FLYWCH1: variants seen among roughly 807,000 people sequenced by gnomAD.
The protein encoded by FLYWCH1 is FLYWCH-type zinc finger 1, also known as FLYWCH-type zinc finger-containing protein 1.
A neutral mutation model predicts 66.4 loss-of-function variants in FLYWCH1; 75 were observed. That is an observed-to-expected ratio of 1.13 (90% CI 0.94 to 1.37). The LOEUF is 1.37. Among genes scored for constraint, FLYWCH1 ranks in the 40% most tolerant of loss-of-function variants. The pLI, the probability that FLYWCH1 is intolerant of heterozygous loss-of-function variation, is 0.00. For missense variants in FLYWCH1, 1,334 were observed against 1,001.8 expected, an observed-to-expected ratio of 1.33 and a Z score of -4.48; for synonymous variants, 595 against 429.9, an observed-to-expected ratio of 1.38 and a Z score of -4.75.
chr16:2,943,150 C>G (rs11076993), intron 9 of FLYWCH1, among the ~76,000 whole-genome samples: 42,524 of 151,832 alleles, frequency 0.28, 6,080 homozygotes, highest in Admixed American at 0.3. Context: ...TGACCATATT[C>G]AGTCACGCAG....
intron 2 of FLYWCH1, chr16:2,922,495 C>T (rs1293775262): frequency 4.2e-6 from 1 of 237,774 alleles, no homozygotes; most frequent in East Asian, 1.4e-4. Flanking sequence ...GCCCCTGGCA[C>T]CCCCATTCTA....
chr16:2,943,485 C>G (rs1224493078), intron 9 of FLYWCH1: 1 of 151,398 alleles, frequency 6.6e-6, no homozygotes, highest in East Asian at 1.9e-4. Flanking sequence ...ATGGGGATGC[C>G]TGCATACCAG....
intron 2 of FLYWCH1, among the ~76,000 whole-genome samples, chr16:2,919,970 C>T (rs1286283606): frequency 6.6e-6 from 1 of 152,082 alleles, no homozygotes; most frequent in Non-Finnish European, 1.5e-5. Context: ...GGGCTTCCTG[C>T]TCTCGAGGGG....
In FLYWCH1 at chr16:2,929,732, C is replaced by A. The variant is rs377357449; in HGVS notation, c.47C>A (p.Ala16Asp). 3.7e-6 allele frequency: 6 copies of A among 1,613,420 alleles called. No homozygotes were observed. In the African/African-American group the frequency reaches 8.0e-5, roughly 22 times the overall value. ...GAGCAGGAGGGCGAGAGTGTGAAGG[C>A]CGGCCAGGAGCCATCCCCCAAGCCA... The part of the protein sequence containing the change: ...PSEQEGESVK[A>D]GQEPSPKPGT... Residue 16 changes from alanine (A) to aspartate (D), a missense_variant, in exon 3 of 10, where the codon GCC becomes GAC. Physicochemically the swap from Ala to Asp is moderately radical, Grantham distance 126 (BLOSUM62 -2). Coordinates refer to ENST00000253928, the MANE Select transcript of FLYWCH1 (RefSeq NM_001308068.2).
At chr16:2,924,348 A>T (rs900127554) in intron 2 of FLYWCH1, among the ~76,000 whole-genome samples, 2 of 151,308 alleles carry the variant, frequency 1.3e-5, no homozygotes, top group African/African-American at 4.8e-5. Context: ...AAAAAAAAGT[A>T]AAAAGCCAGA....
chr16:2,927,456 A>T (rs1462544068), intron 2 of FLYWCH1, among the ~76,000 whole-genome samples: 1 of 152,236 alleles, frequency 6.6e-6, no homozygotes, highest in Non-Finnish European at 1.5e-5. Flanking sequence ...CTCACCTTCT[A>T]TGAGAACATT....
At chr16:2,945,226 G>A (rs947554538) in intron 9 of FLYWCH1, among the ~76,000 whole-genome samples, 5 of 151,594 alleles carry the variant, frequency 3.3e-5, no homozygotes, top group East Asian at 1.9e-4. Context: ...AGTGGCTCAC[G>A]CCTGTAATCC....
intron 6 of FLYWCH1, chr16:2,936,159 C>T (rs572561651): frequency 2.1e-4 from 64 of 309,668 alleles, no homozygotes; most frequent in African/African-American, 1.4e-3. Context: ...GATCCGCCTG[C>T]CTCGGCCTCC....
intron 2 of FLYWCH1, chr16:2,922,934 C>G (rs2070426384): frequency 1.9e-6 from 1 of 524,422 alleles, no homozygotes; most frequent in Admixed American, 1.9e-5. Context: ...CCTGGGGGCG[C>G]TCTTCCGAGG....
chr16:2,913,224 G>C (rs2070051385), intron 1 of FLYWCH1: 1 of 152,298 alleles, frequency 6.6e-6, no homozygotes, highest in Non-Finnish European at 1.5e-5. Flanking sequence ...TCGTTCAGAG[G>C]CTTTGGCTTG....
intron 9 of FLYWCH1, among the ~76,000 whole-genome samples, chr16:2,945,720 G>A (rs144814134): frequency 2.5e-3 from 372 of 151,312 alleles, no homozygotes; most frequent in African/African-American, 8.6e-3. Flanking sequence ...TATAGAGGCC[G>A]GGTGCGGTGG....
chr16:2,918,051 C>T (rs980925083), intron 2 of FLYWCH1, among the ~76,000 whole-genome samples: 1 of 150,840 alleles, frequency 6.6e-6, no homozygotes, highest in Non-Finnish European at 1.5e-5. Flanking sequence ...GTTGGCCGGG[C>T]TTGTCTTGAA....
chr16:2,926,473 G>T (rs2070570396), intron 2 of FLYWCH1, among the ~76,000 whole-genome samples: 1 of 152,198 alleles, frequency 6.6e-6, no homozygotes, highest in Non-Finnish European at 1.5e-5. Flanking sequence ...AGTTCACATT[G>T]TAAGTATGTA....
chr16:2,945,380 G>A (rs1036169551), intron 9 of FLYWCH1, among the ~76,000 whole-genome samples: 4 of 151,790 alleles, frequency 2.6e-5, no homozygotes, highest in African/African-American at 7.3e-5. Context: ...CAGCTACTCG[G>A]GAGGCTGGGG....
Position 2,933,478 on chromosome 16 carries a change from C to T in FLYWCH1, c.1145C>T (p.Thr382Ile), listed in dbSNP as rs1407722629. Residue 382 changes from threonine to isoleucine, a missense_variant, in exon 5 of 10, where the codon ACT (threonine) becomes ATT (isoleucine). Thr to Ile is a moderately conservative substitution (Grantham distance 89, BLOSUM62 -1). Transcript: ENST00000253928. ...TACCGCAGGGGTCCGGGTCCCCTGA[C>T]TCTCACCAGGCCTCGGCCCAGAAAG... ...LLYRRGPGPL[T>I]LTRPRPRKRA... The T allele has an allele frequency of 1.2e-6, 2 of 1,606,006 alleles. No individual in the cohort carries two copies. Among genetic ancestry groups the T allele is most frequent in the South Asian group, 2.2e-5 (2 of 89,838 alleles).
Position 2,930,729 on chromosome 16 carries a change from C to A in FLYWCH1, c.645C>A (p.Pro215=). 2 of 1,551,660 alleles carry A rather than the reference C, an allele frequency of 1.3e-6. No homozygotes were observed. Among genetic ancestry groups the A allele is most frequent in the Non-Finnish European group, 1.7e-6 (2 of 1,152,660 alleles). The change falls in exon 4 of 10, where the codon CCC becomes CCA. Residue 215 remains proline (P), a synonymous_variant. Coordinates refer to ENST00000253928, the MANE Select transcript of FLYWCH1 (RefSeq NM_001308068.2). ...GCCCTGGAGGCCGAGTGGAGGAGCC[C>A]CTGGAGGGGGTGGGCCCGTGGCAGT... ...PEGPGGRVEE[P]LEGVGPWQCP... is the part of the protein sequence containing the mutation.
intron 2 of FLYWCH1, among the ~76,000 whole-genome samples, chr16:2,925,394 ATCCT>A (rs1462207724): frequency 6.6e-6 from 1 of 151,610 alleles, no homozygotes; most frequent in Non-Finnish European, 1.5e-5. Flanking sequence ...CCTCATCCTC[ATCCT>A]TCCTGGTTTA....
chr16:2,943,470 G>C (rs746731859), intron 9 of FLYWCH1: 2 of 151,570 alleles, frequency 1.3e-5, no homozygotes, highest in African/African-American at 4.9e-5. Flanking sequence ...CAAGCCTAGT[G>C]TGTGATGGGG....
intron 2 of FLYWCH1, among the ~76,000 whole-genome samples, chr16:2,922,142 C>G (rs976524015): frequency 6.6e-6 from 1 of 152,036 alleles, no homozygotes; most frequent in East Asian, 1.9e-4. Context: ...ACTTTAGTTA[C>G]TAGAAAATCT....
Sources: gnomAD v4.1 joint callset for allele counts (sites outside exome capture counted in the v4.1 genomes callset) on GRCh38, gnomAD v4.1.1 for gene constraint, MANE v1.5 for transcripts, NCBI Gene and HGNC (gene_info 2026-07-23, HGNC 2026-07-21) for gene names.